MEX3C: variants seen among roughly 807,000 people sequenced by gnomAD.
MEX3C encodes the protein mex-3 RNA binding family member C, also known as RNA-binding E3 ubiquitin-protein ligase MEX3C.
Under a neutral mutation model 35.5 loss-of-function variants are expected in MEX3C, and 15 were observed. The observed-to-expected ratio is 0.42, with a 90% CI of 0.28 to 0.65. The LOEUF (loss-of-function observed/expected upper bound fraction) is 0.65. MEX3C is among the 30% of genes least tolerant of loss of function. MEX3C has a pLI of 0.20. For missense variants in MEX3C, 711 were observed against 842.8 expected (o/e 0.84, Z 1.94); for synonymous variants, 390 against 352.8 (o/e 1.11, Z -1.18).
chr18:51,196,426 C>G, intron 1 of MEX3C, 141 bp downstream of exon 1: 1 of 1,424,678 alleles, frequency 7.0e-7, no homozygotes, highest in East Asian at 2.7e-5. Context: ...ATCTGGTCGA[C>G]CCTCGGCTCC....
At chr18:51,193,252 A>C in intron 1 of MEX3C, 1 of 152,206 alleles carries the variant, frequency 6.6e-6, no homozygotes, top group East Asian at 1.9e-4. Context: ...TTTCTAGACT[A>C]TGTGGCTAGA....
intron 1 of MEX3C, among the ~76,000 whole-genome samples, chr18:51,180,897 C>T (rs1912413761): frequency 6.6e-6 from 1 of 152,186 alleles, no homozygotes; most frequent in African/African-American, 2.4e-5. Context: ...GGAAGCTCAC[C>T]AATCATACCA....
At chr18:51,181,613 A>G (rs1002363561) in intron 1 of MEX3C, among the ~76,000 whole-genome samples, 1 of 152,244 alleles carries the variant, frequency 6.6e-6, no homozygotes, top group African/African-American at 2.4e-5. Flanking sequence ...ACGCTTCTAC[A>G]ATCTTCTTGT....
chr18:51,197,099 T>G lies in MEX3C; in HGVS notation c.222A>C (p.Ala74=). 1 of 1,187,480 alleles carries G rather than the reference T, an allele frequency of 8.4e-7. No homozygotes were observed. Among genetic ancestry groups the G allele is most frequent in the Non-Finnish European group, 1.0e-6 (1 of 962,104 alleles). 73.6% of individuals were successfully genotyped at this position (1,187,480 alleles called of 1,614,324 possible). Residue 74 remains alanine (A), a synonymous_variant, in exon 1 of 2, where the codon GCA becomes GCC. Coordinates refer to ENST00000406189, the MANE Select transcript of MEX3C (RefSeq NM_016626.5). ...EPGAPALRAP[A]AAAQGQARRA... is the part of the protein sequence containing the mutation. ...GCCGGGCCTGGCCCTGCGCCGCCGC[T>G]GCCGGGGCCCGAAGCGCCGGGGCGC...
Position 51,196,778 on chromosome 18 carries a change from CGCCGCG to C in MEX3C, c.537_542del (p.Ala183_Ala184del), listed in dbSNP as rs1192087879. On this transcript the variant is annotated inframe_deletion, in exon 1 of 2. Transcript: ENST00000406189. ...CTCCGTACAGCACCCCCGCCGCCGC[CGCCGCG>C]GCCGCCGCCTCCCGGGCATCGAACC... 57 of 526,442 alleles carry C rather than the reference CGCCGCG, an allele frequency of 1.1e-4. No individual in the cohort carries two copies. The East Asian group carries it at 1.1e-3, about 10-fold the overall frequency. 32.6% of individuals were successfully genotyped at this position (526,442 alleles called of 1,614,324 possible). A position where few individuals can be genotyped will look rare whatever the true frequency, so the allele number is the denominator to read the frequency against.
Position 51,196,749 on chromosome 18 carries a change from T to C in MEX3C, c.572A>G (p.Asp191Gly), listed in dbSNP as rs1912802260. 2 of 1,518,084 alleles carry C rather than the reference T, an allele frequency of 1.3e-6. No homozygotes were observed. 94.0% of individuals were successfully genotyped at this position (1,518,084 alleles called of 1,614,324 possible). The change falls in exon 1 of 2, where the codon GAC becomes GGC. Residue 191 changes from aspartate (D) to glycine (G), a missense_variant. Asp to Gly is a moderately conservative substitution (Grantham distance 94). Coordinates refer to ENST00000406189, the MANE Select transcript of MEX3C (RefSeq NM_016626.5). ...AAAAGVLYGGDDAQGMMAAML... is the reference protein window; with the variant it reads ...AAAAGVLYGGGDAQGMMAAML... ...CGCCGCCATCATGCCCTGGGCATCGTCCCCTCCGTACAGCACCCCCGCCGC... is the reference window on the plus strand; with the variant it reads ...CGCCGCCATCATGCCCTGGGCATCGCCCCCTCCGTACAGCACCCCCGCCGC...
intron 1 of MEX3C, among the ~76,000 whole-genome samples, chr18:51,192,135 C>CT (rs1389699163): frequency 1.3e-5 from 2 of 152,106 alleles, no homozygotes; most frequent in Admixed American, 1.3e-4. Flanking sequence ...ATAGAAATCT[C>CT]TAACAGACTA....
rs1183993359 is a variant in MEX3C, at chr18:51,197,405, C to G, written c.-85G>C. On this transcript the variant is annotated 5_prime_UTR_variant, in exon 1 of 2. Transcript: ENST00000406189. ...GCCCCATGGCGGACAGGGCCAGGGC[C>G]CTGCTCAGCTCGCAAACACCTTTCC... 2 of 161,192 alleles carry G rather than the reference C, an allele frequency of 1.2e-5. No individual in the cohort carries two copies. The highest frequency in any genetic ancestry group is 1.3e-4 in the Admixed American group (2 of 15,204). 10.0% of individuals were successfully genotyped at this position (161,192 alleles called of 1,614,324 possible).
rs1348341954 is a variant in MEX3C, at chr18:51,177,719, A to G, written c.755-143T>C. 1.1e-5 allele frequency: 10 copies of G among 945,748 alleles called. No individual in the cohort carries two copies. Among genetic ancestry groups the G allele is most frequent in the Non-Finnish European group, 1.5e-5 (10 of 664,440 alleles). The allele number at this position is 945,748 out of a possible 1,614,324, so 58.6% of individuals were successfully genotyped here. On this transcript the variant is annotated intron_variant, in intron 1 of 1. Coordinates refer to ENST00000406189, the MANE Select transcript of MEX3C (RefSeq NM_016626.5). This position sits in a 1 kb window ranked among gnomAD's most constrained non-coding sequence, Gnocchi z 4.2. ...TTTTCACATAGCTAGGAAGTGGCAG[A>G]GCCAGAAGTAAACCTAGTTTGACTT...
At chr18:51,184,799 C>T (rs1912501173) in intron 1 of MEX3C, among the ~76,000 whole-genome samples, 1 of 151,624 alleles carries the variant, frequency 6.6e-6, no homozygotes, top group South Asian at 2.1e-4. Flanking sequence ...GTCAAGGCTG[C>T]AGAGATCCGA....
intron 1 of MEX3C, among the ~76,000 whole-genome samples, chr18:51,179,913 C>A (rs757590892): frequency 1.3e-5 from 2 of 152,132 alleles, no homozygotes; most frequent in Non-Finnish European, 2.9e-5. Flanking sequence ...TGGGCTACAA[C>A]TTGACAAGGT....
chr18:51,193,061 C>A (rs920895996), intron 1 of MEX3C: 1 of 152,078 alleles, frequency 6.6e-6, no homozygotes, highest in Non-Finnish European at 1.5e-5. Flanking sequence ...GGTGGTTCCA[C>A]CCTAAGAAAT....
intron 1 of MEX3C, among the ~76,000 whole-genome samples, chr18:51,185,254 A>G (rs1278768015): frequency 1.3e-5 from 2 of 152,228 alleles, no homozygotes; most frequent in African/African-American, 4.8e-5. Context: ...GCTGGCTGTC[A>G]GCTGAGGGTC....
At chr18:51,181,071 G>C (rs1240564954) in intron 1 of MEX3C, among the ~76,000 whole-genome samples, 1 of 152,050 alleles carries the variant, frequency 6.6e-6, no homozygotes, top group Non-Finnish European at 1.5e-5. Flanking sequence ...AGGTGACGAA[G>C]GTATTAGCTT....
In MEX3C at chr18:51,197,242, G is replaced by A; in HGVS notation, c.79C>T (p.Pro27Ser). The change falls in exon 1 of 2, where the codon CCG becomes TCG. Residue 27 changes from proline to serine, a missense_variant. Pro to Ser is a moderately conservative substitution (Grantham distance 74, BLOSUM62 -1). Coordinates refer to ENST00000406189, the MANE Select transcript of MEX3C (RefSeq NM_016626.5). Reference sequence around the variant, plus strand: ...GGCGGCGGCAGAGGCGGCGGTGGCGGCGGCGGCGGCGGGGGCGGCTGCGGC... The same window carrying A: ...GGCGGCGGCAGAGGCGGCGGTGGCGACGGCGGCGGCGGGGGCGGCTGCGGC... ...PLPQPPPPPP[P>S]PPPPLPPPSG... The A allele has an allele frequency of 1.0e-6, 1 of 978,848 alleles. No homozygotes were observed. Among genetic ancestry groups the A allele is most frequent in the Non-Finnish European group, 1.2e-6 (1 of 825,512 alleles). 60.6% of individuals were successfully genotyped at this position (978,848 alleles called of 1,614,324 possible).
intron 1 of MEX3C, among the ~76,000 whole-genome samples, chr18:51,185,720 G>A (rs938094663): frequency 6.6e-6 from 1 of 152,144 alleles, no homozygotes; most frequent in African/African-American, 2.4e-5. Context: ...GTCAGGAAAG[G>A]TTTGAGGAAT....
rs768436507 is a variant in MEX3C at position 51,177,025 on chromosome 18, C to A, written c.1306G>T (p.Ala436Ser). The A allele has an allele frequency of 3.5e-5, 57 of 1,613,812 alleles. 1 individual carries two copies. The South Asian group carries it at 6.1e-4, about 17-fold the overall frequency. The change falls in exon 2 of 2, where the codon GCA becomes TCA. Residue 436 changes from alanine (A) to serine (S), a missense_variant. Physicochemically the swap from Ala to Ser is moderately conservative, Grantham distance 99 (BLOSUM62 1). Around this residue, in one of 4 missense-constraint regions of MEX3C, gnomAD observed 187 missense variants for 201.7 expected, o/e 0.93. Transcript: ENST00000406189. The surrounding 1 kb of genome is among the most constrained non-coding windows in gnomAD (Gnocchi z 4.2). ...TTTCGATAATTGGATATCATTCTTG[C>A]GCGGCTAGGAGGAACAGGATTGGAG... ...LSSNPVPPSR[A>S]RMISNYRNDS...
rs1438616442 is a variant in MEX3C, at chr18:51,177,768, T to C, written c.755-192A>G. ...TTAAAATCTGTGGTCTTTTTGCTAG[T>C]CCAAGAACCTCGATTTTCACAATTA... On this transcript the variant is annotated intron_variant, in intron 1 of 1. Coordinates refer to ENST00000406189, the MANE Select transcript of MEX3C (RefSeq NM_016626.5). The surrounding 1 kb of genome is among the most constrained non-coding windows in gnomAD (Gnocchi z 4.2). Among the ~76,000 whole-genome samples the C allele has an allele frequency of 2.6e-5, 4 of 152,224 alleles. No homozygotes were observed. Among genetic ancestry groups the C allele is most frequent in the Non-Finnish European group, 5.9e-5 (4 of 68,042 alleles).
intron 1 of MEX3C, chr18:51,192,997 T>C (rs1466031886): frequency 6.6e-6 from 1 of 152,202 alleles, no homozygotes; most frequent in Admixed American, 6.5e-5. Flanking sequence ...GCTTTCTCTT[T>C]TTCTCCTGGT....
Sources: allele counts gnomAD v4.1 joint callset (sites outside exome capture counted in the v4.1 genomes callset), GRCh38; gene constraint gnomAD v4.1.1; regional missense constraint gnomAD v4.1.1; non-coding constraint Gnocchi (gnomAD v3.1); transcripts MANE v1.5; gene names NCBI Gene and HGNC (gene_info 2026-07-23, HGNC 2026-07-21).